SPEF2: variants seen among roughly 807,000 people sequenced by gnomAD.
The protein encoded by SPEF2 is sperm flagellar and cilia associated 2.
In SPEF2, 187 loss-of-function variants were observed where a neutral mutation model predicts 224.6. The ratio of observed to expected loss-of-function variants is 0.83; its 90% CI spans 0.74 to 0.94. SPEF2 has a LOEUF of 0.94. Ranked by LOEUF, SPEF2 falls within the 40% of genes least tolerant of loss-of-function variation. The probability of loss-of-function intolerance (pLI) is 0.00; values close to 1 mark genes in which losing one functional copy is unlikely to be tolerated. For synonymous variants in SPEF2, 715 were observed against 707.3 expected (o/e 1.01, Z -0.17); for missense variants, 2,170 against 2,135.6 (o/e 1.02, Z -0.32).
chr5:35,707,942 G>A (rs10941257), intron 18 of SPEF2, among the ~76,000 whole-genome samples: 100,417 of 151,864 alleles, frequency 0.66, 33,393 homozygotes, highest in East Asian at 0.78. Flanking sequence ...TTTTTCCATA[G>A]CACTTATCAC....
intron 28 of SPEF2, among the ~76,000 whole-genome samples, 163 bp downstream of exon 28, chr5:35,774,184 G>A (rs561063614): frequency 3.9e-5 from 6 of 152,264 alleles, no homozygotes; most frequent in South Asian, 2.1e-4. Flanking sequence ...GTTTGACCAC[G>A]TGAGGACTAG....
intron 20 of SPEF2, among the ~76,000 whole-genome samples, chr5:35,723,974 T>G (rs958173241): frequency 3.3e-4 from 51 of 152,340 alleles, no homozygotes; most frequent in Middle Eastern, 3.4e-3. Flanking sequence ...AGTCTTCTTT[T>G]ATAATACAAT....
At chr5:35,699,526 C>T (rs1420672801) in intron 15 of SPEF2, 1 of 152,166 alleles carries the variant, frequency 6.6e-6, no homozygotes, top group Non-Finnish European at 1.5e-5. Context: ...AATATAACCA[C>T]TTGCATGGCA....
chr5:35,750,169 G>A (rs1749187568), intron 23 of SPEF2, among the ~76,000 whole-genome samples: 2 of 152,084 alleles, frequency 1.3e-5, no homozygotes, highest in Admixed American at 1.3e-4. Flanking sequence ...GAATGAAACT[G>A]GGTCCTCATC....
At chr5:35,697,231 A>G (rs2149550562) in intron 14 of SPEF2, among the ~76,000 whole-genome samples, 1 of 152,306 alleles carries the variant, frequency 6.6e-6, no homozygotes, top group African/African-American at 2.4e-5. Context: ...ATAAAAGATA[A>G]TTATTTGAGT....
chr5:35,704,011 C>T (rs1405038164), intron 16 of SPEF2, among the ~76,000 whole-genome samples: 1 of 152,056 alleles, frequency 6.6e-6, no homozygotes, highest in Admixed American at 6.6e-5. Flanking sequence ...TACCATTAAT[C>T]CAGAATAGGA....
intron 17 of SPEF2, among the ~76,000 whole-genome samples, chr5:35,704,996 T>G (rs10067949): frequency 0.66 from 100,560 of 151,908 alleles, 33,704 homozygotes; most frequent in African/African-American, 0.78. Flanking sequence ...AAAAAGTTAG[T>G]CATCGGAGTG....
intron 10 of SPEF2, among the ~76,000 whole-genome samples, chr5:35,681,051 T>A (rs1277394358): frequency 6.6e-6 from 1 of 152,234 alleles, no homozygotes; most frequent in Non-Finnish European, 1.5e-5. Flanking sequence ...TGTTTGGGCT[T>A]GAGTTAATAA....
Position 35,671,486 on chromosome 5 carries a change from TAATGCCATGTAA to T in SPEF2, c.1524+1260_1524+1271del, listed in dbSNP as rs983345197. ...AGACCTATTACATCCACCTAAAGTA[TAATGCCATGTAA>T]GAAAATGCTTTGACAGTATCAACCT... On this transcript the variant is annotated intron_variant, in intron 10 of 36. Transcript: ENST00000356031. 4.2e-5 allele frequency: 41 copies of T among 983,340 alleles called. No individual in the cohort carries two copies. The Middle Eastern group carries it at 2.6e-3, about 62-fold the overall frequency. 60.9% of individuals were successfully genotyped at this position (983,340 alleles called of 1,614,324 possible). A position where few individuals can be genotyped will look rare whatever the true frequency, so the allele number is the denominator to read the frequency against.
chr5:35,786,021 C>G (rs2149815289), intron 30 of SPEF2, among the ~76,000 whole-genome samples: 1 of 152,306 alleles, frequency 6.6e-6, no homozygotes, highest in South Asian at 2.1e-4. Flanking sequence ...CCTTTGAACT[C>G]CTGTAAAAAC....
Position 35,646,752 on chromosome 5 carries a change from G to A in SPEF2, c.671G>A (p.Arg224His), listed in dbSNP as rs370674250. The change falls in exon 5 of 37, where the codon CGT (arginine) becomes CAT (histidine). Residue 224 changes from arginine to histidine, a missense_variant. By Grantham distance (29) the Arg-to-His change is conservative. Coordinates refer to ENST00000356031, the MANE Select transcript of SPEF2 (RefSeq NM_024867.4). The stretch of plus-strand genomic sequence containing the variant: ...CAGATTCCTAAACCTGCATCAAATC[G>A]TACTTTGAAAGCACTCGAGGCCCAA... ...IIQIPKPASN[R>H]TLKALEAQKM... 19 of 1,613,790 alleles carry A rather than the reference G, an allele frequency of 1.2e-5. No homozygotes were observed. The highest frequency in any genetic ancestry group is 4.4e-5 in the South Asian group (4 of 91,052).
Position 35,779,254 on chromosome 5 carries a change from G to A in SPEF2, c.4355G>A (p.Arg1452His), listed in dbSNP as rs753560017. 2.4e-5 allele frequency: 39 copies of A among 1,613,804 alleles called. No homozygotes were observed. The highest frequency in any genetic ancestry group is 2.3e-4 in the South Asian group (21 of 91,064). ...TTCCCAGATCCTCCCCCATCAATAC[G>A]TCCTCCACCTGTAGAAAAGGAAGAA... is the stretch of plus-strand genomic sequence containing the variant. ...KVFPDPPPSIRPPPVEKEEDG... is the reference protein window; with the variant it reads ...KVFPDPPPSIHPPPVEKEEDG... The change falls in exon 30 of 37, where the codon CGT (arginine) becomes CAT (histidine). Residue 1452 changes from arginine to histidine, a missense_variant. Physicochemically the swap from Arg to His is conservative, Grantham distance 29. Transcript: ENST00000356031.
At chr5:35,669,943 A>G (rs1477585856) in intron 9 of SPEF2, 116 bp from the exon 10 acceptor site, 8 of 774,786 alleles carry the variant, frequency 1.0e-5, no homozygotes, top group Non-Finnish European at 1.4e-5. Context: ...ATTTTTCAGT[A>G]ATTATTTCTG....
chr5:35,713,047 A>T (rs922791724), intron 20 of SPEF2, among the ~76,000 whole-genome samples, 161 bp downstream of exon 20: 4 of 152,176 alleles, frequency 2.6e-5, no homozygotes, highest in African/African-American at 7.2e-5. Context: ...AACTTTCTGC[A>T]TCCTGGCGCT....
chr5:35,652,106 A>C (rs1748277579), intron 6 of SPEF2, among the ~76,000 whole-genome samples: 1 of 152,216 alleles, frequency 6.6e-6, no homozygotes, highest in Non-Finnish European at 1.5e-5. Context: ...CATTAGATGA[A>C]GGTCTGGCAA....
chr5:35,790,343 A>G lies in SPEF2; in HGVS notation c.4448-1997A>G. ...ACACAAGATCTAATTCAGATTGCTC[A>G]TCAAACTCAGAAAATGAAAGTGATT... On this transcript the variant is annotated intron_variant, in intron 30 of 36. Transcript: ENST00000356031. 4 of 542,528 alleles carry G rather than the reference A, an allele frequency of 7.4e-6. No individual in the cohort carries two copies. In the South Asian group the frequency reaches 1.1e-4, roughly 15 times the overall value. 33.6% of individuals were successfully genotyped at this position (542,528 alleles called of 1,614,324 possible). A position where few individuals can be genotyped will look rare whatever the true frequency, so the allele number is the denominator to read the frequency against.
intron 26 of SPEF2, among the ~76,000 whole-genome samples, chr5:35,766,841 C>T (rs180966356): frequency 6.6e-6 from 1 of 151,814 alleles, no homozygotes; most frequent in Admixed American, 6.6e-5. Flanking sequence ...CTTTTATCAT[C>T]GAATTCAAAG....
At chr5:35,650,392 T>G (rs1319069791) in intron 6 of SPEF2, among the ~76,000 whole-genome samples, 1 of 152,152 alleles carries the variant, frequency 6.6e-6, no homozygotes, top group Non-Finnish European at 1.5e-5. Context: ...CCAAGTCTCC[T>G]CATCCATGCA....
chr5:35,647,622 CA>C (rs2149418365), intron 5 of SPEF2, among the ~76,000 whole-genome samples: 1 of 152,262 alleles, frequency 6.6e-6, no homozygotes, highest in African/African-American at 2.4e-5. Context: ...GATCAAATTT[CA>C]CATGCGGTTT....
Sources: allele counts gnomAD v4.1 joint callset (sites outside exome capture counted in the v4.1 genomes callset), GRCh38; gene constraint gnomAD v4.1.1; transcripts MANE v1.5; gene names NCBI Gene and HGNC (gene_info 2026-07-23, HGNC 2026-07-21).